Variants in SCMH1 observed in about 807,000 individuals in gnomAD.
SCMH1 encodes the protein polycomb protein SCMH1.
Under a neutral mutation model 70.8 loss-of-function variants are expected in SCMH1, and 37 were observed. The ratio of observed to expected loss-of-function variants is 0.52; its 90% CI spans 0.40 to 0.69. The LOEUF (loss-of-function observed/expected upper bound fraction) is 0.69. SCMH1 is among the 30% of genes least tolerant of loss of function. The pLI is 0.00. For missense variants in SCMH1, 607 were observed against 827.3 expected, an observed-to-expected ratio of 0.73 and a Z score of 3.27; for synonymous variants, 292 against 307.4, an observed-to-expected ratio of 0.95 and a Z score of 0.52.
chr1:41,159,884 T>C, intron 4 of SCMH1: 1 of 1,229,096 alleles, frequency 8.1e-7, no homozygotes, highest in Admixed American at 4.0e-5. Flanking sequence ...TATTTGAGAG[T>C]TTTTAAGATG....
chr1:41,139,893 T>G (rs1309514769), intron 6 of SCMH1, among the ~76,000 whole-genome samples: 2 of 152,120 alleles, frequency 1.3e-5, no homozygotes, highest in Non-Finnish European at 2.9e-5. Flanking sequence ...AATGTATTTA[T>G]AAAGCAAAAT....
At chr1:41,140,747 AT>A (rs1326903811) in intron 6 of SCMH1, among the ~76,000 whole-genome samples, 2 of 152,230 alleles carry the variant, frequency 1.3e-5, no homozygotes, top group Non-Finnish European at 2.9e-5. Context: ...GAACTAGCTG[AT>A]TCCATATTTG....
At chr1:41,242,289 C>T (rs1350661153), upstream of SCMH1, 6 of 120,672 alleles carry the variant, frequency 5.0e-5, no homozygotes. The surrounding 1 kb of genome is among the most constrained non-coding windows in gnomAD (Gnocchi z 5.2). Flanking sequence ...GCGCGCGCCT[C>T]GGCCGTTGGG....
At chr1:41,117,708 G>A (rs565728795) in intron 6 of SCMH1, among the ~76,000 whole-genome samples, 1 of 152,300 alleles carries the variant, frequency 6.6e-6, no homozygotes, top group Admixed American at 6.5e-5. Flanking sequence ...ATTAGTGAAA[G>A]TACTAAAAGT....
intron 10 of SCMH1, among the ~76,000 whole-genome samples, chr1:41,067,062 T>C (rs1321397518): frequency 6.6e-6 from 1 of 152,104 alleles, no homozygotes; most frequent in Non-Finnish European, 1.5e-5. Context: ...TGCAAAAACT[T>C]TGAAGCAACC....
intron 2 of SCMH1, among the ~76,000 whole-genome samples, chr1:41,163,450 C>A (rs901537424): frequency 6.6e-6 from 1 of 152,206 alleles, no homozygotes; most frequent in Non-Finnish European, 1.5e-5. Context: ...GCACCACTGG[C>A]CACAGGTTTC....
intron 8 of SCMH1, among the ~76,000 whole-genome samples, chr1:41,081,907 A>G (rs1372261010): frequency 6.6e-6 from 1 of 152,140 alleles, no homozygotes; most frequent in East Asian, 1.9e-4. Context: ...AACTACACAT[A>G]TATAGTCATC....
chr1:41,225,868 T>C (rs990180290), intron 1 of SCMH1, among the ~76,000 whole-genome samples: 1 of 152,202 alleles, frequency 6.6e-6, no homozygotes, highest in Non-Finnish European at 1.5e-5. Context: ...CTAGCGCTTT[T>C]TAAGCCTTTT....
intron 1 of SCMH1, among the ~76,000 whole-genome samples, chr1:41,222,926 T>C (rs181784775): frequency 1.1e-4 from 17 of 152,330 alleles, no homozygotes; most frequent in Admixed American, 3.9e-4. Context: ...CATGAAATCA[T>C]CTCTTTCATG....
chr1:41,033,859 T>G, intron 13 of SCMH1, 124 bp downstream of exon 14: 1 of 1,403,666 alleles, frequency 7.1e-7, no homozygotes, highest in Non-Finnish European at 9.7e-7. Flanking sequence ...CAAGGAAAAT[T>G]GGAGATGCTT....
At chr1:41,035,698 A>G (rs575608024) in intron 13 of SCMH1, among the ~76,000 whole-genome samples, 1 of 152,162 alleles carries the variant, frequency 6.6e-6, no homozygotes, top group Admixed American at 6.5e-5. Context: ...CTTAATTGCT[A>G]CTTTTTGGAA....
intron 1 of SCMH1, among the ~76,000 whole-genome samples, chr1:41,187,596 G>T (rs910685502): frequency 6.6e-6 from 1 of 151,900 alleles, no homozygotes; most frequent in Non-Finnish European, 1.5e-5. Flanking sequence ...AATAACAAAT[G>T]AAAAAATGGC....
At chr1:41,153,613 T>C (rs1039605517) in intron 4 of SCMH1, among the ~76,000 whole-genome samples, 4 of 152,166 alleles carry the variant, frequency 2.6e-5, no homozygotes, top group African/African-American at 9.7e-5. Context: ...CTTTTACCAC[T>C]TAGGAAACAC....
intron 6 of SCMH1, among the ~76,000 whole-genome samples, chr1:41,129,230 A>C (rs755093558): frequency 1.3e-5 from 2 of 152,064 alleles, no homozygotes; most frequent in Non-Finnish European, 2.9e-5. Flanking sequence ...AGTTTTAATC[A>C]TTTTAAAGTG....
intron 8 of SCMH1, among the ~76,000 whole-genome samples, chr1:41,094,598 G>GA (rs1270747737): frequency 2.0e-5 from 3 of 151,550 alleles, no homozygotes; most frequent in Non-Finnish European, 2.9e-5. Context: ...TTTTTAAAAA[G>GA]AAAAAAAAGA....
intron 10 of SCMH1, among the ~76,000 whole-genome samples, chr1:41,049,724 G>A (rs1342314973): frequency 6.9e-5 from 10 of 145,230 alleles, no homozygotes; most frequent in African/African-American, 2.1e-4. Context: ...CCGAGATTGC[G>A]CCACTGCACG....
At chr1:41,186,162 G>A in exon 2 of SCMH1, 4 of 1,344,296 alleles carry the variant, frequency 3.0e-6, no homozygotes, top group Non-Finnish European at 4.2e-6. Flanking sequence ...CGGTCTAGGG[G>A]TTAAGAAGTT....
intron 1 of SCMH1, among the ~76,000 whole-genome samples, chr1:41,186,498 A>G (rs949014743): frequency 1.3e-5 from 2 of 152,210 alleles, no homozygotes; most frequent in Admixed American, 1.3e-4. Flanking sequence ...GTCCCATTCA[A>G]ATACTAAATT....
intron 13 of SCMH1, chr1:41,034,048 C>T: frequency 6.2e-7 from 1 of 1,607,222 alleles, no homozygotes; most frequent in Non-Finnish European, 8.5e-7. Context: ...TTTTAACACT[C>T]CTGTGGAAAG....
Sources: gnomAD v4.1 joint callset for allele counts (sites outside exome capture counted in the v4.1 genomes callset) on GRCh38, gnomAD v4.1.1 for gene constraint, Gnocchi (gnomAD v3.1) non-coding constraint, MANE v1.5 for transcripts, NCBI Gene and HGNC (gene_info 2026-07-23, HGNC 2026-07-21) for gene names.